Variants in MERTK observed in about 807,000 individuals in gnomAD.
MERTK encodes tyrosine-protein kinase Mer.
Under a neutral mutation model 99.3 loss-of-function variants are expected in MERTK, and 69 were observed. That is an observed-to-expected ratio of 0.70 (90% CI 0.57 to 0.85). MERTK has a LOEUF of 0.85. Among genes scored for constraint, MERTK ranks in the 40% least tolerant of loss-of-function variants. MERTK has a pLI of 0.00. For missense variants in MERTK, 1,125 were observed against 1,249.4 expected (o/e 0.90, Z 1.50); for synonymous variants, 426 against 467.6 (o/e 0.91, Z 1.15).
chr2:111,968,062 G>C, intron 5 of MERTK, 75 bp from the exon 6 acceptor site: 1 of 1,069,906 alleles, frequency 9.3e-7, no homozygotes, highest in Non-Finnish European at 1.5e-6. Flanking sequence ...TAATGCATTT[G>C]TTTGGTAGCT....
intron 4 of MERTK, among the ~76,000 whole-genome samples, chr2:111,947,942 G>A (rs955008433): frequency 1.6e-4 from 24 of 152,276 alleles, no homozygotes; most frequent in African/African-American, 5.8e-4. Context: ...TTGACACCGA[G>A]AGAGTGGATT....
At chr2:111,986,506 CCTT>C (rs1403962319) in intron 8 of MERTK, among the ~76,000 whole-genome samples, 3 of 152,224 alleles carry the variant, frequency 2.0e-5, no homozygotes, top group Non-Finnish European at 1.5e-5. Context: ...CATCCTTTCT[CCTT>C]CTACTTCTGG....
At chr2:112,022,973 G>C (rs756607128) in intron 18 of MERTK, among the ~76,000 whole-genome samples, 2 of 151,504 alleles carry the variant, frequency 1.3e-5, no homozygotes, top group Non-Finnish European at 3.0e-5. Context: ...GCCCAGAAAT[G>C]TGTGTTTTAG....
intron 15 of MERTK, among the ~76,000 whole-genome samples, chr2:112,014,274 G>A (rs1449940834): frequency 3.9e-5 from 6 of 152,102 alleles, no homozygotes; most frequent in African/African-American, 1.4e-4. Flanking sequence ...GCCCACTTCG[G>A]CCTCCCAAAG....
intron 1 of MERTK, among the ~76,000 whole-genome samples, chr2:111,901,187 G>A (rs753964537): frequency 6.6e-6 from 1 of 152,130 alleles, no homozygotes; most frequent in Non-Finnish European, 1.5e-5. Flanking sequence ...GCAAGCGGTG[G>A]CTCTCTGAAG....
chr2:111,953,321 T>C (rs1685090117), intron 4 of MERTK, among the ~76,000 whole-genome samples: 1 of 152,242 alleles, frequency 6.6e-6, no homozygotes, highest in African/African-American at 2.4e-5. Context: ...TCTAAATCAA[T>C]ACGCAGTATA....
intron 1 of MERTK, among the ~76,000 whole-genome samples, chr2:111,915,712 A>G (rs1023980803): frequency 6.6e-6 from 1 of 152,244 alleles, no homozygotes; most frequent in East Asian, 1.9e-4. Context: ...TCTGACCAAC[A>G]TGGTGAAACC....
At position 111,944,842 on chromosome 2, in the gene MERTK, G is replaced by A; in HGVS notation, c.483-118G>A. ...CAACTGCGTACAATGGCCTAGCCAAGCTGACATATAAAATTAACTATCACA... is the reference window on the plus strand; with the variant it reads ...CAACTGCGTACAATGGCCTAGCCAAACTGACATATAAAATTAACTATCACA... On this transcript the variant is annotated intron_variant, in intron 2 of 18. Coordinates refer to ENST00000295408, the MANE Select transcript of MERTK (RefSeq NM_006343.3). The A allele has an allele frequency of 3.1e-5, 27 of 862,294 alleles. 2 individuals carry two copies. The South Asian group carries it at 3.5e-4, about 11-fold the overall frequency. 53.4% of individuals were successfully genotyped at this position (862,294 alleles called of 1,614,324 possible).
Position 111,963,883 on chromosome 2 carries a change from C to T in MERTK, c.758-1308C>T, listed in dbSNP as rs556121800. Among the ~76,000 whole-genome samples the T allele has an allele frequency of 2.6e-5, 4 of 151,854 alleles. No homozygotes were observed. The South Asian group carries it at 8.3e-4, about 32-fold the overall frequency. ...ATTTAGAACTGACTGGTATTTTTTT[C>T]ATCATTAGCCTGGGGTTTTTTTGTT... On this transcript the variant is annotated intron_variant, in intron 4 of 18. Transcript: ENST00000295408.
chr2:111,953,471 AG>A (rs1391282942), intron 4 of MERTK, among the ~76,000 whole-genome samples: 1 of 152,204 alleles, frequency 6.6e-6, no homozygotes, highest in Non-Finnish European at 1.5e-5. Flanking sequence ...AGTGAAGTGA[AG>A]GCCTGGAGGA....
rs142487539 is a variant in MERTK at position 111,942,422 on chromosome 2, G to A, written c.483-2538G>A. Among the ~76,000 whole-genome samples the A allele has an allele frequency of 5.7e-4, 87 of 152,250 alleles. 1 individual carries two copies. Among genetic ancestry groups the A allele is most frequent in the Non-Finnish European group, 1.1e-3 (74 of 68,014 alleles). On this transcript the variant is annotated intron_variant, in intron 2 of 18. Coordinates refer to ENST00000295408, the MANE Select transcript of MERTK (RefSeq NM_006343.3). ...CAACCACTAGTCATTGCCCACGATG[G>A]GCAGGACATCATTCTAGGCACAGAA...
Position 111,929,598 on chromosome 2 carries a change from A to C in MERTK, c.482+58A>C. The C allele has an allele frequency of 8.6e-6, 11 of 1,273,316 alleles. No homozygotes were observed. The South Asian group carries it at 1.9e-4, about 22-fold the overall frequency. The allele number at this position is 1,273,316 out of a possible 1,614,324, so 78.9% of individuals were successfully genotyped here. ...AGTTTTAATATTTATTTATTTATTT[A>C]CTTATTGAGACAGAGTATCATTCTG... On this transcript the variant is annotated intron_variant, in intron 2 of 18. Coordinates refer to ENST00000295408, the MANE Select transcript of MERTK (RefSeq NM_006343.3).
At chr2:111,931,036 A>G (rs1052069183) in intron 2 of MERTK, among the ~76,000 whole-genome samples, 1 of 152,000 alleles carries the variant, frequency 6.6e-6, no homozygotes, top group African/African-American at 2.4e-5. Flanking sequence ...GCCTTCTTTG[A>G]TCTGTTACAT....
chr2:111,917,758 G>A (rs540617864), intron 1 of MERTK, among the ~76,000 whole-genome samples: 3 of 151,864 alleles, frequency 2.0e-5, no homozygotes, highest in Non-Finnish European at 4.4e-5. Flanking sequence ...GGTAGCGTGC[G>A]CCTGTAGTCC....
intron 4 of MERTK, among the ~76,000 whole-genome samples, chr2:111,949,496 G>A (rs1558783213): frequency 6.6e-6 from 1 of 151,796 alleles, no homozygotes; most frequent in East Asian, 1.9e-4. Flanking sequence ...GTTTTTTTAG[G>A]GAATTAAGTA....
At chr2:111,936,976 G>A (rs1684776005) in intron 2 of MERTK, among the ~76,000 whole-genome samples, 1 of 152,150 alleles carries the variant, frequency 6.6e-6, no homozygotes, top group African/African-American at 2.4e-5. Flanking sequence ...CCAGACGACA[G>A]GGAAGCCCAG....
intron 1 of MERTK, among the ~76,000 whole-genome samples, chr2:111,901,112 G>A (rs982753283): frequency 6.6e-6 from 1 of 152,074 alleles, no homozygotes; most frequent in African/African-American, 2.4e-5. Context: ...GGAGCATTTC[G>A]AGGCTTTCCA....
chr2:112,012,456 G>T (rs1225714141), intron 15 of MERTK, among the ~76,000 whole-genome samples: 1 of 152,056 alleles, frequency 6.6e-6, no homozygotes, highest in Non-Finnish European at 1.5e-5. Flanking sequence ...CTGGATGCAG[G>T]GTGCCTTTCA....
intron 5 of MERTK, among the ~76,000 whole-genome samples, chr2:111,967,649 C>T (rs983630486): frequency 3.9e-5 from 6 of 152,216 alleles, no homozygotes; most frequent in Non-Finnish European, 7.4e-5. Context: ...TACACATGCA[C>T]ACTCATGCGT....
Sources: allele counts gnomAD v4.1 joint callset (sites outside exome capture counted in the v4.1 genomes callset), GRCh38; gene constraint gnomAD v4.1.1; transcripts MANE v1.5; gene names NCBI Gene and HGNC (gene_info 2026-07-23, HGNC 2026-07-21).